PPP4R2: variants seen among roughly 807,000 people sequenced by gnomAD.
PPP4R2 encodes protein phosphatase 4 regulatory subunit 2.
PPP4R2 carries 13 observed loss-of-function variants against 47.2 expected under a neutral mutation model. The ratio of observed to expected loss-of-function variants is 0.28; its 90% CI spans 0.18 to 0.44. The LOEUF is 0.44. Ranked by LOEUF, PPP4R2 falls within the 20% of genes least tolerant of loss-of-function variation. PPP4R2 has a pLI of 1.00. For missense variants in PPP4R2, 421 were observed against 491.2 expected, an observed-to-expected ratio of 0.86 and a Z score of 1.35; for synonymous variants, 151 against 163.3, an observed-to-expected ratio of 0.92 and a Z score of 0.57.
At chr3:73,055,927 A>G (rs910076047) in intron 3 of PPP4R2, among the ~76,000 whole-genome samples, 1 of 152,130 alleles carries the variant, frequency 6.6e-6, no homozygotes, top group Admixed American at 6.6e-5. Context: ...ATTTTACAGT[A>G]TAACTTTGCT....
In PPP4R2 at chr3:73,064,929, A is replaced by C. The variant is rs769786560; in HGVS notation, c.716A>C (p.Glu239Ala). 3.1e-6 allele frequency: 5 copies of C among 1,613,902 alleles called. No individual in the cohort carries two copies. The Admixed American group carries it at 5.0e-5, about 16-fold the overall frequency. The change falls in exon 8 of 9, where the codon GAA (glutamate) becomes GCA (alanine). Residue 239 changes from glutamate (E) to alanine (A), a missense_variant. Transcript: ENST00000356692. ...KNKHPDEDAV[E>A]AEGHEVKRLR... ...AAACATCCAGATGAAGATGCTGTGG[A>C]AGCTGAGGGGCATGAGGTAAAAAGA...
chr3:73,001,563 G>T lies in PPP4R2; in HGVS notation c.116+3405G>T, dbSNP rs955612071. On this transcript the variant is annotated intron_variant, in intron 2 of 8. Coordinates refer to ENST00000356692, the MANE Select transcript of PPP4R2 (RefSeq NM_174907.4). ...CACTCCAGTCTGGGCAACAGAGTAAGACCTTGTCTCAAACACACACATGCA... is the reference window on the plus strand; with the variant it reads ...CACTCCAGTCTGGGCAACAGAGTAATACCTTGTCTCAAACACACACATGCA... 3.3e-5 allele frequency among the ~76,000 whole-genome samples: 5 copies of T among 152,178 alleles called. No homozygotes were observed. In the East Asian group the frequency reaches 9.6e-4, roughly 29 times the overall value.
intron 2 of PPP4R2, among the ~76,000 whole-genome samples, chr3:73,007,647 C>T (rs1701639375): frequency 6.6e-6 from 1 of 151,924 alleles, no homozygotes; most frequent in African/African-American, 2.4e-5. Flanking sequence ...CACCACCACG[C>T]CCAGTTAATT....
chr3:73,036,177 T>G (rs1389776860), intron 2 of PPP4R2, among the ~76,000 whole-genome samples: 2 of 152,108 alleles, frequency 1.3e-5, no homozygotes, highest in Admixed American at 6.6e-5. Context: ...TCTCATGCAT[T>G]ATGTTGGAGC....
At chr3:73,034,941 GA>G (rs1349129670) in intron 2 of PPP4R2, among the ~76,000 whole-genome samples, 1 of 151,986 alleles carries the variant, frequency 6.6e-6, no homozygotes, top group Non-Finnish European at 1.5e-5. Flanking sequence ...AAAAACAGAT[GA>G]ATGGGATTAC....
chr3:73,025,574 TA>T (rs1488545755), intron 2 of PPP4R2, among the ~76,000 whole-genome samples: 2 of 152,062 alleles, frequency 1.3e-5, no homozygotes, highest in African/African-American at 2.4e-5. Flanking sequence ...AGCAGTAACT[TA>T]AAAAGTTTAT....
intron 2 of PPP4R2, among the ~76,000 whole-genome samples, chr3:73,004,633 T>C (rs1701556090): frequency 6.6e-6 from 1 of 152,132 alleles, no homozygotes; most frequent in Non-Finnish European, 1.5e-5. Flanking sequence ...AGATGGGGTT[T>C]CACCATGTTT....
chr3:73,026,837 T>G, intron 2 of PPP4R2, among the ~76,000 whole-genome samples: 1 of 152,320 alleles, frequency 6.6e-6, no homozygotes, highest in Middle Eastern at 3.4e-3. Flanking sequence ...ATACTGTTCC[T>G]GTAACTAGAT....
chr3:73,062,422 C>T, intron 5 of PPP4R2: 1 of 1,611,276 alleles, frequency 6.2e-7, no homozygotes, highest in Admixed American at 1.7e-5. Flanking sequence ...CTAGACCCAG[C>T]ACATAAATCT....
intron 6 of PPP4R2, 64 bp downstream of exon 6, chr3:73,063,811 A>C: frequency 8.0e-7 from 1 of 1,250,170 alleles, no homozygotes; most frequent in Non-Finnish European, 1.2e-6. Context: ...TAGCAGGCTT[A>C]GTGTACTTTT....
chr3:73,062,505 A>T (rs1702885975), intron 5 of PPP4R2: 1 of 1,613,576 alleles, frequency 6.2e-7, no homozygotes, highest in Admixed American at 1.7e-5. Context: ...GGCATTACTG[A>T]GTGTTGGTGT....
In PPP4R2 at chr3:73,064,150, T is replaced by G; in HGVS notation, c.638+4T>G. The G allele has an allele frequency of 6.2e-7, 1 of 1,602,440 alleles. No individual in the cohort carries two copies. Among genetic ancestry groups the G allele is most frequent in the Non-Finnish European group, 8.5e-7 (1 of 1,176,724 alleles). ...AAAATGAGGAGAAAAATCACAGGTT[T>G]GTATGTTTTATATTTAAAAACAGTG... On this transcript the variant is annotated splice_donor_region_variant and intron_variant, in intron 7 of 8. Transcript: ENST00000356692.
intron 2 of PPP4R2, among the ~76,000 whole-genome samples, chr3:73,035,057 A>G (rs1702237670): frequency 1.3e-5 from 2 of 152,364 alleles, no homozygotes; most frequent in South Asian, 4.1e-4. Flanking sequence ...ATTAATAACT[A>G]GAATATGTAA....
chr3:73,032,171 G>A (rs1702177798), intron 2 of PPP4R2, among the ~76,000 whole-genome samples: 1 of 152,148 alleles, frequency 6.6e-6, no homozygotes, highest in African/African-American at 2.4e-5. Context: ...ATACGATAAA[G>A]GTCACAAAAA....
chr3:73,055,417 CGTGT>C (rs10663655), intron 3 of PPP4R2, among the ~76,000 whole-genome samples: 33,874 of 137,198 alleles, frequency 0.25, 4,683 homozygotes, highest in Middle Eastern at 0.31. Context: ...AGTGGGGTAG[CGTGT>C]GTGTGTGTGT....
intron 3 of PPP4R2, among the ~76,000 whole-genome samples, chr3:73,052,246 C>CTTT (rs60786869): frequency 7.2e-6 from 1 of 139,754 alleles, no homozygotes; most frequent in African/African-American, 2.7e-5. Context: ...TCTTTCTTTT[C>CTTT]TTTTTTTTTT....
Position 72,996,906 on chromosome 3 carries a change from C to T in PPP4R2, c.-132C>T, listed in dbSNP as rs974122395. 4.0e-5 allele frequency: 16 copies of T among 396,004 alleles called. No homozygotes were observed. The highest frequency in any genetic ancestry group is 1.5e-4 in the East Asian group (3 of 19,718). 24.5% of individuals were successfully genotyped at this position (396,004 alleles called of 1,614,324 possible). A position where few individuals can be genotyped will look rare whatever the true frequency, so the allele number is the denominator to read the frequency against. On this transcript the variant is annotated 5_prime_UTR_variant, in exon 1 of 9. Coordinates refer to ENST00000356692, the MANE Select transcript of PPP4R2 (RefSeq NM_174907.4). ...ACGCTTCCCCCGGCTCCCTTCGTTT[C>T]CCCCCCCCGGTCGCCTGCGTGCCGG...
intron 7 of PPP4R2, among the ~76,000 whole-genome samples, chr3:73,064,409 T>A (rs1702941383): frequency 6.6e-6 from 1 of 152,242 alleles, no homozygotes; most frequent in Admixed American, 6.5e-5. Flanking sequence ...ATTTGTTGTT[T>A]CTGAAAGTTA....
At chr3:73,050,256 C>T (rs1017767566) in intron 3 of PPP4R2, among the ~76,000 whole-genome samples, 8 of 152,250 alleles carry the variant, frequency 5.3e-5, no homozygotes, top group Non-Finnish European at 8.8e-5. Flanking sequence ...TGAGCCACCG[C>T]GCCTGGCCCG....
Sources: gnomAD v4.1 joint callset for allele counts (sites outside exome capture counted in the v4.1 genomes callset) on GRCh38, gnomAD v4.1.1 for gene constraint, MANE v1.5 for transcripts, NCBI Gene and HGNC (gene_info 2026-07-23, HGNC 2026-07-21) for gene names.